The following DCAF11 variants were observed in gnomAD, a reference collection of about 807,000 sequenced individuals.
DCAF11 encodes the protein DDB1- and CUL4-associated factor 11.
DCAF11 carries 44 observed loss-of-function variants against 76.1 expected under a neutral mutation model. That is an observed-to-expected ratio of 0.58 (90% confidence interval 0.45 to 0.74). The LOEUF is 0.74. Among genes scored for constraint, DCAF11 ranks in the 30% least tolerant of loss-of-function variants. The probability of loss-of-function intolerance (pLI) is 0.00; values close to 1 mark genes in which losing one functional copy is unlikely to be tolerated. For missense variants in DCAF11, 604 were observed against 709.4 expected, an observed-to-expected ratio of 0.85 and a Z score of 1.69; for synonymous variants, 258 against 255.0, an observed-to-expected ratio of 1.01 and a Z score of -0.11.
In DCAF11 at chr14:24,123,388, T is replaced by C. The variant is rs2037729454; in HGVS notation, c.*79T>C. ...TCCTCCCTTTCTCCCTTGTGGGGAA[T>C]GTTTGGAGGAATCACTGGCATTTGA... On this transcript the variant is annotated 3_prime_UTR_variant, in exon 15 of 15. Coordinates refer to ENST00000446197, the MANE Select transcript of DCAF11 (RefSeq NM_025230.5). 2 of 1,486,096 alleles carry C rather than the reference T, an allele frequency of 1.3e-6. No homozygotes were observed. Among genetic ancestry groups the C allele is most frequent in the African/African-American group, 1.4e-5 (1 of 71,080 alleles). 92.1% of individuals were successfully genotyped at this position (1,486,096 alleles called of 1,614,324 possible). A position where few individuals can be genotyped will look rare whatever the true frequency, so the allele number is the denominator to read the frequency against.
At position 24,118,404 on chromosome 14, in the gene DCAF11, C is replaced by G. The variant is rs773499857; in HGVS notation, c.594C>G (p.Leu198=). The G allele has an allele frequency of 3.2e-5, 51 of 1,614,118 alleles. 2 individuals are homozygous for G. Among genetic ancestry groups the G allele is most frequent in the Admixed American group, 1.7e-5 (1 of 60,004 alleles). ...CTTACACAGACCAGACAATCCGACTCTATGACTGCCGATATGGCCGTTTCC... is the reference window on the plus strand; with the variant it reads ...CTTACACAGACCAGACAATCCGACTGTATGACTGCCGATATGGCCGTTTCC... ...MSACQDQTIR[L]YDCRYGRFRK... The change falls in exon 7 of 15, where the codon CTC becomes CTG. Residue 198 remains leucine (L), a synonymous_variant. Coordinates refer to ENST00000446197, the MANE Select transcript of DCAF11 (RefSeq NM_025230.5).
chr14:24,117,066 G>C lies in DCAF11; in HGVS notation c.283+22G>C, dbSNP rs765449557. ...CCTGGTAAGAGGAAAAGCCCCTAAT[G>C]TTGGAAGACTTTTACTAGAAAACCT... is the stretch of plus-strand genomic sequence containing the variant. On this transcript the variant is annotated intron_variant, in intron 3 of 14. Coordinates refer to ENST00000446197, the MANE Select transcript of DCAF11 (RefSeq NM_025230.5). The surrounding 1 kb of genome is among the most constrained non-coding windows in gnomAD (Gnocchi z 4.3). 2 of 1,614,036 alleles carry C rather than the reference G, an allele frequency of 1.2e-6. No individual in the cohort carries two copies. Among genetic ancestry groups the C allele is most frequent in the Non-Finnish European group, 1.7e-6 (2 of 1,179,976 alleles).
rs190131621 is a variant in DCAF11 at position 24,119,369 on chromosome 14, A to G, written c.848+156A>G. 9.9e-6 allele frequency: 12 copies of G among 1,211,894 alleles called. No homozygotes were observed. In the Admixed American group the frequency reaches 2.1e-4, roughly 21 times the overall value. The allele number at this position is 1,211,894 out of a possible 1,614,324, so 75.1% of individuals were successfully genotyped here. On this transcript the variant is annotated intron_variant, in intron 9 of 14. Coordinates refer to ENST00000446197, the MANE Select transcript of DCAF11 (RefSeq NM_025230.5). Reference sequence around the variant, plus strand: ...CAAGTTGCTTCACCCCTTGCTCTCCATTTCCCCAGCACGAGATTGGAGGTG... The same window carrying G: ...CAAGTTGCTTCACCCCTTGCTCTCCGTTTCCCCAGCACGAGATTGGAGGTG...
chr14:24,117,140 T>C lies in DCAF11; in HGVS notation c.283+96T>C. On this transcript the variant is annotated intron_variant, in intron 3 of 14. Transcript: ENST00000446197. The surrounding 1 kb of genome is among the most constrained non-coding windows in gnomAD (Gnocchi z 4.3). ...GTTACATTGAAAGAAGGTACGATAATTTAAGGAATAAGGAGTCCTTACAGC... is the reference window on the plus strand; with the variant it reads ...GTTACATTGAAAGAAGGTACGATAACTTAAGGAATAAGGAGTCCTTACAGC... 6.2e-7 allele frequency: 1 copy of C among 1,608,446 alleles called. No homozygotes were observed. The highest frequency in any genetic ancestry group is 8.5e-7 in the Non-Finnish European group (1 of 1,176,560).
Position 24,117,684 on chromosome 14 carries a change from G to C in DCAF11, c.428G>C (p.Cys143Ser). 1 of 1,614,124 alleles carries C rather than the reference G, an allele frequency of 6.2e-7. No individual in the cohort carries two copies. The highest frequency in any genetic ancestry group is 8.5e-7 in the Non-Finnish European group (1 of 1,179,990). Reference protein sequence around the residue: ...RMLHQRERGLCHRGSFSLGEQ... With the variant: ...RMLHQRERGLSHRGSFSLGEQ... ...TCCATTTAGAGAGAACGGGGCCTCT[G>C]CCATCGGGGAAGCTTCTCCCTTGGA... is the stretch of plus-strand genomic sequence containing the variant. Residue 143 changes from cysteine to serine, a missense_variant, in exon 5 of 15, where the codon TGC (cysteine) becomes TCC (serine). Cys to Ser is a moderately radical substitution (Grantham distance 112). Transcript: ENST00000446197. This position sits in a 1 kb window ranked among gnomAD's most constrained non-coding sequence, Gnocchi z 4.3.
chr14:24,119,010 G>C (rs759576196), intron 8 of DCAF11, 135 bp from the exon 9 acceptor site: 7 of 1,221,176 alleles, frequency 5.7e-6, no homozygotes, highest in Non-Finnish European at 7.1e-6. Context: ...TTCTCACTGA[G>C]CATCTGCATT....
chr14:24,114,832 C>T lies in DCAF11; in HGVS notation c.-675C>T. 1 of 985,968 alleles carries T rather than the reference C, an allele frequency of 1.0e-6. No individual in the cohort carries two copies. Among genetic ancestry groups the T allele is most frequent in the Non-Finnish European group, 1.2e-6 (1 of 829,964 alleles). The allele number at this position is 985,968 out of a possible 1,614,324, so 61.1% of individuals were successfully genotyped here. On this transcript the variant is annotated 5_prime_UTR_variant, in exon 1 of 15. Coordinates refer to ENST00000446197, the MANE Select transcript of DCAF11 (RefSeq NM_025230.5). Reference sequence around the variant, plus strand: ...GCCGCGAGATGCGTGACGAGCGAAGCGCGTGACGGAGGAGCGGTTGGCCAA... The same window carrying T: ...GCCGCGAGATGCGTGACGAGCGAAGTGCGTGACGGAGGAGCGGTTGGCCAA...
At chr14:24,121,297 G>A in intron 12 of DCAF11, 68 bp from the exon 13 acceptor site, 1 of 1,596,366 alleles carries the variant, frequency 6.3e-7, no homozygotes, top group South Asian at 1.1e-5. Flanking sequence ...CCTTGCTCAG[G>A]ACTGGTGGTA....
intron 6 of DCAF11, 46 bp from the exon 7 acceptor site, chr14:24,118,342 T>A: frequency 6.2e-7 from 1 of 1,610,630 alleles, no homozygotes; most frequent in Non-Finnish European, 8.5e-7. Context: ...CTAGAAAAGT[T>A]ACAAGGAAAC....
chr14:24,119,332 G>C, intron 9 of DCAF11, 119 bp downstream of exon 9: 1 of 1,400,936 alleles, frequency 7.1e-7, no homozygotes, highest in Non-Finnish European at 1.0e-6. Flanking sequence ...CTTCTCCCAA[G>C]GTCAGGATTT....
Position 24,115,217 on chromosome 14 carries a change from G to A in DCAF11, c.-290G>A, listed in dbSNP as rs2037518745. 1 of 196,290 alleles carries A rather than the reference G, an allele frequency of 5.1e-6. No individual in the cohort carries two copies. The highest frequency in any genetic ancestry group is 6.4e-5 in the Admixed American group (1 of 15,734). The allele number at this position is 196,290 out of a possible 1,614,324, so 12.2% of individuals were successfully genotyped here. ...CTTTCTTCCGAGAGGGATTTCGATT[G>A]GTCGGTCAGAGAGGTTACCTGGAAA... On this transcript the variant is annotated 5_prime_UTR_variant, in exon 1 of 15. Coordinates refer to ENST00000446197, the MANE Select transcript of DCAF11 (RefSeq NM_025230.5).
At chr14:24,115,979 G>A (rs1228332282) in intron 2 of DCAF11, among the ~76,000 whole-genome samples, 1 of 152,004 alleles carries the variant, frequency 6.6e-6, no homozygotes, top group Admixed American at 6.6e-5. Flanking sequence ...TGTGTTTGAG[G>A]GGCTATTCAA....
chr14:24,118,858 T>G, intron 8 of DCAF11, 54 bp downstream of exon 8: 1 of 1,589,934 alleles, frequency 6.3e-7, no homozygotes, highest in South Asian at 1.1e-5. Flanking sequence ...AGGGAAGCTC[T>G]TTGGGAGCAA....
Position 24,114,802 on chromosome 14 carries a change from A to C in DCAF11, c.-705A>C, listed in dbSNP as rs1247119246. The C allele has an allele frequency of 1.0e-6, 1 of 985,836 alleles. No individual in the cohort carries two copies. The highest frequency in any genetic ancestry group is 1.2e-6 in the Non-Finnish European group (1 of 829,968). The allele number at this position is 985,836 out of a possible 1,614,324, so 61.1% of individuals were successfully genotyped here. A position where few individuals can be genotyped will look rare whatever the true frequency, so the allele number is the denominator to read the frequency against. On this transcript the variant is annotated 5_prime_UTR_variant, in exon 1 of 15. Coordinates refer to ENST00000446197, the MANE Select transcript of DCAF11 (RefSeq NM_025230.5). The stretch of plus-strand genomic sequence containing the variant: ...GTGTGACGTTTGCAGCCCGCCGGCC[A>C]GGAAGCCGCGAGATGCGTGACGAGC...
chr14:24,118,443 C>T lies in DCAF11; in HGVS notation c.633C>T (p.Ser211=), dbSNP rs1403872796. The part of the protein sequence containing the change: ...CRYGRFRKFK[S]IKARDVGWSV... ...ATGGCCGTTTCCGTAAATTCAAGAG[C>T]ATCAAGGCCCGCGACGTAGGCTGGA... is the stretch of plus-strand genomic sequence containing the variant. Residue 211 remains serine (S), a synonymous_variant, in exon 7 of 15, where the codon AGC becomes AGT. Transcript: ENST00000446197. The T allele has an allele frequency of 1.2e-6, 2 of 1,614,100 alleles. No individual in the cohort carries two copies. The highest frequency in any genetic ancestry group is 1.3e-5 in the African/African-American group (1 of 74,922).
At chr14:24,116,767 A>G in intron 2 of DCAF11, 150 bp from the exon 3 acceptor site, 2 of 1,095,126 alleles carry the variant, frequency 1.8e-6, no homozygotes, top group Non-Finnish European at 2.6e-6. Context: ...ACTGTGTTTT[A>G]TAGGAGACCA....
rs746369292 is a variant in DCAF11 at position 24,117,235 on chromosome 14, C to G, written c.284-31C>G. ...TAACTGTCCTCTGAGGCTGGCAGAC[C>G]TAGGATGAAACTTCTCCTTGGTACT... On this transcript the variant is annotated intron_variant, in intron 3 of 14. Coordinates refer to ENST00000446197, the MANE Select transcript of DCAF11 (RefSeq NM_025230.5). The surrounding 1 kb of genome is among the most constrained non-coding windows in gnomAD (Gnocchi z 4.3). 1.2e-6 allele frequency: 2 copies of G among 1,613,536 alleles called. No individual in the cohort carries two copies. Among genetic ancestry groups the G allele is most frequent in the South Asian group, 2.2e-5 (2 of 90,974 alleles).
In DCAF11 at chr14:24,117,167, C is replaced by G; in HGVS notation, c.284-99C>G. The G allele has an allele frequency of 1.2e-6, 2 of 1,602,676 alleles. No homozygotes were observed. Among genetic ancestry groups the G allele is most frequent in the South Asian group, 2.2e-5 (2 of 89,920 alleles). On this transcript the variant is annotated intron_variant, in intron 3 of 14. Transcript: ENST00000446197. This position sits in a 1 kb window ranked among gnomAD's most constrained non-coding sequence, Gnocchi z 4.3. ...TAAGGAATAAGGAGTCCTTACAGCC[C>G]CAGTATATTCAGCCACAGGGGTGGG...
At chr14:24,120,016 T>G in intron 11 of DCAF11, 120 bp downstream of exon 11, 13 of 1,311,764 alleles carry the variant, frequency 9.9e-6, no homozygotes, top group Non-Finnish European at 1.2e-5. Flanking sequence ...TTTGTAAGAG[T>G]TGGAGTTTAG....
Sources: allele counts gnomAD v4.1 joint callset (sites outside exome capture counted in the v4.1 genomes callset), GRCh38; gene constraint gnomAD v4.1.1; non-coding constraint Gnocchi (gnomAD v3.1); transcripts MANE v1.5; gene names NCBI Gene and HGNC (gene_info 2026-07-23, HGNC 2026-07-21).